The following METTL27 variants were observed in gnomAD, a reference collection of about 807,000 sequenced individuals.
METTL27 encodes methyltransferase like 27.
In METTL27, 29 loss-of-function variants were observed where a neutral mutation model predicts 24.5. The observed-to-expected ratio is 1.18, with a 90% CI of 0.88 to 1.61. The LOEUF (loss-of-function observed/expected upper bound fraction) is 1.61. Among genes scored for constraint, METTL27 ranks in the 40% most tolerant of loss-of-function variants. The pLI is 0.00. For missense variants in METTL27, 341 were observed against 324.3 expected (o/e 1.05, Z -0.40); for synonymous variants, 138 against 146.8 (o/e 0.94, Z 0.43).
At chr7:73,835,029 G>A (rs1554634822) in intron 5 of METTL27, 27 bp from the exon 6 acceptor site, 1 of 1,584,534 alleles carries the variant, frequency 6.3e-7, no homozygotes, top group South Asian at 1.1e-5. Context: ...GGTGAGGTGG[G>A]GGAGGGGCAG....
At chr7:73,841,976 T>C in intron 2 of METTL27, 42 bp downstream of exon 2, 1 of 1,613,252 alleles carries the variant, frequency 6.2e-7, no homozygotes, top group South Asian at 1.1e-5. Flanking sequence ...GGTAGAAAAA[T>C]GGAGGCTGGT....
rs1287741390 is a variant in METTL27 at position 73,834,889 on chromosome 7, C to T, written c.592G>A (p.Ala198Thr). Residue 198 changes from alanine to threonine, a missense_variant, in exon 6 of 6, where the codon GCC (alanine) becomes ACC (threonine). By Grantham distance (58) the Ala-to-Thr change is moderately conservative. Coordinates refer to ENST00000297873, the MANE Select transcript of METTL27 (RefSeq NM_152559.3). ...EQAGMWEGLV[A>T]WPVDRLWTAG... ...GTCCACAGGCGGTCCACAGGCCAGG[C>T]CACCAGGCCTTCCCACATCCCAGCC... 1.9e-6 allele frequency: 3 copies of T among 1,613,986 alleles called. No homozygotes were observed. Among genetic ancestry groups the T allele is most frequent in the Admixed American group, 1.7e-5 (1 of 60,002 alleles).
intron 2 of METTL27, among the ~76,000 whole-genome samples, chr7:73,841,653 T>G (rs1334074003): frequency 6.6e-6 from 1 of 152,076 alleles, no homozygotes; most frequent in African/African-American, 2.4e-5. Context: ...AATTTTTGTA[T>G]TTTTAGTAGA....
chr7:73,841,129 G>T lies in METTL27; in HGVS notation c.193C>A (p.Pro65Thr). 6.5e-7 allele frequency: 1 copy of T among 1,539,124 alleles called. No homozygotes were observed. The highest frequency in any genetic ancestry group is 1.3e-5 in the South Asian group (1 of 78,934). The change falls in exon 3 of 6, where the codon CCG (proline) becomes ACG (threonine). Residue 65 changes from proline to threonine, a missense_variant. Pro to Thr is a conservative substitution (Grantham distance 38). Coordinates refer to ENST00000297873, the MANE Select transcript of METTL27 (RefSeq NM_152559.3). ...TCCAGGATCAGGGCACTGTGGGGCG[G>T]GCCTGGAAGGGCTTGTGTGAGGCAG... ...VDCLTQALPG[P>T]PHSALILDVA...
At chr7:73,836,026 C>T (rs868921134) in intron 5 of METTL27, among the ~76,000 whole-genome samples, 17 of 94,378 alleles carry the variant, frequency 1.8e-4, no homozygotes, top group African/African-American at 4.7e-4. Context: ...GCAGCCGCCC[C>T]GTCTGGGAAG....
chr7:73,839,967 A>G, intron 5 of METTL27, 64 bp downstream of exon 5: 1 of 1,447,532 alleles, frequency 6.9e-7, no homozygotes, highest in South Asian at 1.3e-5. Context: ...CTGTGTCTGC[A>G]CTATGCACAG....
chr7:73,841,322 T>G, intron 2 of METTL27, 124 bp from the exon 3 acceptor site: 1 of 1,387,350 alleles, frequency 7.2e-7, no homozygotes, highest in Non-Finnish European at 9.4e-7. Context: ...TGGCTGGGGC[T>G]AGCGTGAGGG....
chr7:73,840,889 G>T (rs1357815657), intron 3 of METTL27, among the ~76,000 whole-genome samples, 181 bp downstream of exon 3: 1 of 152,186 alleles, frequency 6.6e-6, no homozygotes, highest in African/African-American at 2.4e-5. Flanking sequence ...TCAAACTCCT[G>T]GCCCCAAGCT....
Position 73,839,748 on chromosome 7 carries a change from T to C in METTL27, c.478+283A>G, listed in dbSNP as rs1554635924. Reference sequence around the variant, plus strand: ...GTCCTACGGGGACTGGATTGTAGCATTTATACCACCTGACTCCCAGACTGG... The same window carrying C: ...GTCCTACGGGGACTGGATTGTAGCACTTATACCACCTGACTCCCAGACTGG... On this transcript the variant is annotated intron_variant, in intron 5 of 5. Transcript: ENST00000297873. The C allele has an allele frequency of 1.3e-5, 5 of 398,970 alleles. No homozygotes were observed. In the East Asian group the frequency reaches 2.1e-4, roughly 17 times the overall value. 24.7% of individuals were successfully genotyped at this position (398,970 alleles called of 1,614,324 possible).
chr7:73,838,341 T>C (rs1554635710), intron 5 of METTL27, among the ~76,000 whole-genome samples: 1 of 152,096 alleles, frequency 6.6e-6, no homozygotes, highest in African/African-American at 2.4e-5. Context: ...ACAGAGAGGA[T>C]GATTATCTAA....
chr7:73,841,911 C>A, intron 2 of METTL27, 107 bp downstream of exon 2: 1 of 1,568,590 alleles, frequency 6.4e-7, no homozygotes, highest in African/African-American at 1.4e-5. Flanking sequence ...CTTAGCCAGG[C>A]CTCACTTCGT....
intron 5 of METTL27, chr7:73,839,732 G>A: frequency 2.7e-6 from 1 of 376,778 alleles, no homozygotes; most frequent in Non-Finnish European, 4.8e-6. Context: ...AGTCCTACGG[G>A]GACTGGATTG....
At chr7:73,840,832 A>T (rs1554636275) in intron 3 of METTL27, among the ~76,000 whole-genome samples, 2 of 151,804 alleles carry the variant, frequency 1.3e-5, no homozygotes, top group Non-Finnish European at 2.9e-5. Context: ...CTAATTTTTA[A>T]ATCTGTTTGT....
Position 73,840,113 on chromosome 7 carries a change from G to A in METTL27, c.396C>T (p.Phe132=), listed in dbSNP as rs375040819. The A allele has an allele frequency of 2.9e-5, 45 of 1,574,686 alleles. No homozygotes were observed. The highest frequency in any genetic ancestry group is 2.4e-4 in the African/African-American group (17 of 72,238). Residue 132 remains phenylalanine (F), a synonymous_variant, in exon 5 of 6, where the codon TTC becomes TTT. Coordinates refer to ENST00000297873, the MANE Select transcript of METTL27 (RefSeq NM_152559.3). ...GGGCACCGACTATCAGCACCGCGTC[G>A]AAGGTCCCTGTGTGTGTGTGGGGGG... ...QEPLPSPEGT[F]DAVLIVGALS...
rs148770702 is a variant in METTL27, at chr7:73,839,667, G to A, written c.478+364C>T. ...AGGAACAGAACTGAGCCCTCACTGTGGGTCAGGACCAAAGCAAAAACCTTA... is the reference window on the plus strand; with the variant it reads ...AGGAACAGAACTGAGCCCTCACTGTAGGTCAGGACCAAAGCAAAAACCTTA... On this transcript the variant is annotated intron_variant, in intron 5 of 5. Transcript: ENST00000297873. The A allele has an allele frequency of 2.8e-3, 612 of 215,746 alleles. 3 individuals are homozygous for A. Among genetic ancestry groups the A allele is most frequent in the African/African-American group, 0.013 (552 of 43,784 alleles). The allele number at this position is 215,746 out of a possible 1,614,324, so 13.4% of individuals were successfully genotyped here.
At chr7:73,837,763 T>C (rs907048876) in intron 5 of METTL27, among the ~76,000 whole-genome samples, 43 of 152,150 alleles carry the variant, frequency 2.8e-4, no homozygotes, top group Non-Finnish European at 5.4e-4. Context: ...GGTTTTGCCA[T>C]GTTGGCCAGG....
intron 5 of METTL27, 92 bp downstream of exon 5, chr7:73,839,939 C>A (rs1788301465): frequency 7.3e-6 from 9 of 1,234,652 alleles, no homozygotes; most frequent in Non-Finnish European, 1.0e-5. Context: ...CCTCGCTTAG[C>A]CTGAGGGGCT....
Position 73,840,935 on chromosome 7 carries a change from A to G in METTL27, c.252+135T>C. ...CTCGGCCTCCCATAGTGTGAGCCACAGTATGCCTGGTCCTGTCTCATGCAT... is the reference window on the plus strand; with the variant it reads ...CTCGGCCTCCCATAGTGTGAGCCACGGTATGCCTGGTCCTGTCTCATGCAT... On this transcript the variant is annotated intron_variant, in intron 3 of 5. Transcript: ENST00000297873. The G allele has an allele frequency of 2.3e-6, 3 of 1,311,248 alleles. No homozygotes were observed. In the East Asian group the frequency reaches 9.1e-5, roughly 40 times the overall value. The allele number at this position is 1,311,248 out of a possible 1,614,324, so 81.2% of individuals were successfully genotyped here.
chr7:73,840,559 G>A lies in METTL27; in HGVS notation c.253-10C>T, dbSNP rs782515720. ...AGCCTGGAGCCCGCAGCTGGGGTAGGGGTGGGAGACTCAGTCATGGTTCAC... is the reference window on the plus strand; with the variant it reads ...AGCCTGGAGCCCGCAGCTGGGGTAGAGGTGGGAGACTCAGTCATGGTTCAC... On this transcript the variant is annotated splice_polypyrimidine_tract_variant and intron_variant, in intron 3 of 5. Transcript: ENST00000297873. 2 of 1,575,198 alleles carry A rather than the reference G, an allele frequency of 1.3e-6. No homozygotes were observed. Among genetic ancestry groups the A allele is most frequent in the East Asian group, 4.5e-5 (2 of 44,604 alleles).
Sources: gnomAD v4.1 joint callset for allele counts (sites outside exome capture counted in the v4.1 genomes callset) on GRCh38, gnomAD v4.1.1 for gene constraint, MANE v1.5 for transcripts, NCBI Gene and HGNC (gene_info 2026-07-23, HGNC 2026-07-21) for gene names.